The following CALN1 variants were observed in gnomAD, a reference collection of about 807,000 sequenced individuals.
CALN1 encodes the protein calneuron 1, also known as calcium-binding protein 8.
Under a neutral mutation model 30.6 loss-of-function variants are expected in CALN1, and 17 were observed. The observed-to-expected ratio is 0.56, with a 90% CI of 0.38 to 0.83. The LOEUF is 0.83. CALN1 is among the 40% of genes least tolerant of loss of function. CALN1 has a pLI of 0.00. For synonymous variants in CALN1, 156 were observed against 131.4 expected, an observed-to-expected ratio of 1.19 and a Z score of -1.28; for missense variants, 291 against 354.9, an observed-to-expected ratio of 0.82 and a Z score of 1.45.
At chr7:72,408,056 T>C (rs368362999) in intron 1 of CALN1, among the ~76,000 whole-genome samples, 14 of 152,290 alleles carry the variant, frequency 9.2e-5, no homozygotes, top group Admixed American at 7.2e-4. Context: ...AGGAGCAACC[T>C]TGAAATAATT....
intron 2 of CALN1, among the ~76,000 whole-genome samples, chr7:72,376,239 A>G (rs1804546166): frequency 6.6e-6 from 1 of 152,170 alleles, no homozygotes; most frequent in African/African-American, 2.4e-5. Context: ...TGTGTTTTCA[A>G]TTCTTTTGTG....
chr7:71,808,425 A>G (rs941100692), intron 6 of CALN1, among the ~76,000 whole-genome samples: 3 of 151,610 alleles, frequency 2.0e-5, no homozygotes, highest in African/African-American at 7.3e-5. Context: ...TAAACATAAT[A>G]CTTGCAGTAT....
At chr7:71,846,531 C>T (rs535392101) in intron 5 of CALN1, among the ~76,000 whole-genome samples, 5 of 151,892 alleles carry the variant, frequency 3.3e-5, no homozygotes, top group Non-Finnish European at 2.9e-5. Flanking sequence ...TATGTGTGCG[C>T]GTGCGTGTGT....
chr7:72,358,396 G>A (rs1318384147), intron 2 of CALN1, among the ~76,000 whole-genome samples: 2 of 151,050 alleles, frequency 1.3e-5, no homozygotes, highest in Non-Finnish European at 2.9e-5. Flanking sequence ...ATGGAGAAAG[G>A]AAAAGGACTG....
At chr7:72,226,845 C>A (rs1028704844) in intron 3 of CALN1, among the ~76,000 whole-genome samples, 1 of 152,090 alleles carries the variant, frequency 6.6e-6, no homozygotes, top group East Asian at 1.9e-4. Flanking sequence ...GAGTTCGAGA[C>A]CAGCCTGGCC....
chr7:72,355,255 G>A (rs955608586), intron 2 of CALN1, among the ~76,000 whole-genome samples: 1 of 152,228 alleles, frequency 6.6e-6, no homozygotes, highest in Non-Finnish European at 1.5e-5. Context: ...GCCGGCCGCT[G>A]TGGCTAACAC....
rs940667197 is a variant in CALN1 at position 71,882,712 on chromosome 7, C to A, written c.502-72220G>T. Among the ~76,000 whole-genome samples the A allele has an allele frequency of 3.3e-5, 5 of 152,162 alleles. No homozygotes were observed. In the South Asian group the frequency reaches 1.0e-3, roughly 32 times the overall value. On this transcript the variant is annotated intron_variant, in intron 5 of 6. Transcript: ENST00000395275. Reference sequence around the variant, plus strand: ...AAAACAACTTTTTAAGAGATGGGGTCTTGCTATGTTGCCCAGGCTGGAGTA... The same window carrying A: ...AAAACAACTTTTTAAGAGATGGGGTATTGCTATGTTGCCCAGGCTGGAGTA...
chr7:72,240,531 C>G (rs1187241269), intron 3 of CALN1, among the ~76,000 whole-genome samples: 3 of 152,148 alleles, frequency 2.0e-5, no homozygotes, highest in Non-Finnish European at 4.4e-5. Flanking sequence ...CAGTGTCTAA[C>G]AAACACAGAT....
intron 4 of CALN1, among the ~76,000 whole-genome samples, chr7:72,042,200 T>C (rs1163352291): frequency 1.3e-5 from 2 of 152,094 alleles, no homozygotes; most frequent in Non-Finnish European, 2.9e-5. Flanking sequence ...CTAACCCACG[T>C]TAGGTGGGTG....
At chr7:71,921,500 T>C (rs1268579415) in intron 5 of CALN1, among the ~76,000 whole-genome samples, 2 of 152,108 alleles carry the variant, frequency 1.3e-5, no homozygotes, top group Non-Finnish European at 2.9e-5. Context: ...CCTGAAATAT[T>C]GCAATTATAT....
chr7:72,107,537 C>G (rs531042973), intron 3 of CALN1, among the ~76,000 whole-genome samples: 174 of 152,314 alleles, frequency 1.1e-3, no homozygotes, highest in Non-Finnish European at 2.2e-3. Context: ...GCTCTAAATT[C>G]CACCCAGAGT....
chr7:71,865,092 T>C (rs774893976), intron 5 of CALN1, among the ~76,000 whole-genome samples: 1 of 151,986 alleles, frequency 6.6e-6, no homozygotes, highest in Non-Finnish European at 1.5e-5. Flanking sequence ...AGAAAATAAA[T>C]GCACCAATAA....
chr7:72,436,708 C>G (rs1808169597), intron 1 of CALN1, among the ~76,000 whole-genome samples: 1 of 152,070 alleles, frequency 6.6e-6, no homozygotes, highest in South Asian at 2.1e-4. Context: ...TCTGGGCACA[C>G]CCCCTCTTAA....
At chr7:72,357,119 A>G (rs1156983306) in intron 2 of CALN1, among the ~76,000 whole-genome samples, 2 of 152,018 alleles carry the variant, frequency 1.3e-5, no homozygotes, top group Non-Finnish European at 2.9e-5. Flanking sequence ...AAACTTAGAG[A>G]CAGCCTTAAC....
intron 4 of CALN1, among the ~76,000 whole-genome samples, chr7:72,089,527 G>A (rs75241079): frequency 6.6e-6 from 1 of 152,188 alleles, no homozygotes; most frequent in East Asian, 1.9e-4. Flanking sequence ...CACATATTGG[G>A]TAAAAGTTTC....
At chr7:72,428,276 A>C (rs750904911) in intron 1 of CALN1, among the ~76,000 whole-genome samples, 4 of 152,232 alleles carry the variant, frequency 2.6e-5, no homozygotes, top group Non-Finnish European at 4.4e-5. Context: ...CAATATACAA[A>C]AGAGAATGCT....
At chr7:72,201,319 T>G (rs957152342) in intron 3 of CALN1, among the ~76,000 whole-genome samples, 2 of 152,172 alleles carry the variant, frequency 1.3e-5, no homozygotes, top group Admixed American at 1.3e-4. Context: ...CAGGGCACGG[T>G]GGCTCACGTC....
At chr7:72,346,246 G>T (rs559780084) in intron 2 of CALN1, among the ~76,000 whole-genome samples, 1 of 152,082 alleles carries the variant, frequency 6.6e-6, no homozygotes. Context: ...GGTCAATTGC[G>T]CAAAATGGTG....
chr7:71,790,363 G>T (rs1251424941), intron 6 of CALN1, among the ~76,000 whole-genome samples: 1 of 83,958 alleles, frequency 1.2e-5, no homozygotes, highest in African/African-American at 4.4e-5. Flanking sequence ...AAGAAAGAAA[G>T]AAAGAAAAGA....
Sources: allele counts gnomAD v4.1 joint callset (sites outside exome capture counted in the v4.1 genomes callset), GRCh38; gene constraint gnomAD v4.1.1; transcripts MANE v1.5; gene names NCBI Gene and HGNC (gene_info 2026-07-23, HGNC 2026-07-21).